RUNX1: variants seen among roughly 807,000 people sequenced by gnomAD.
The protein encoded by RUNX1 is RUNX family transcription factor 1, also known as runt-related transcription factor 1.
In RUNX1, 19 loss-of-function variants were observed where a neutral mutation model predicts 42.8. The observed-to-expected ratio is 0.44, with a 90% CI of 0.31 to 0.65. The LOEUF is 0.65. Among genes scored for constraint, RUNX1 ranks in the 30% least tolerant of loss-of-function variants. The pLI is 0.07. For missense variants in RUNX1, 528 were observed against 672.0 expected, an observed-to-expected ratio of 0.79 and a Z score of 2.37; for synonymous variants, 271 against 289.4, an observed-to-expected ratio of 0.94 and a Z score of 0.64.
At chr21:34,881,161 G>A (rs111857857) in intron 4 of RUNX1, among the ~76,000 whole-genome samples, 22 of 152,164 alleles carry the variant, frequency 1.4e-4, no homozygotes, top group Admixed American at 5.2e-4. Flanking sequence ...AATTTCTCCC[G>A]TTTGAGAAAC....
intron 2 of RUNX1, among the ~76,000 whole-genome samples, chr21:34,971,216 T>C (rs975019645): frequency 6.6e-6 from 1 of 152,198 alleles, no homozygotes; most frequent in African/African-American, 2.4e-5. Flanking sequence ...ATCAGTTCTT[T>C]TTTATCAAAG....
intron 2 of RUNX1, among the ~76,000 whole-genome samples, chr21:35,000,312 C>G (rs139182699): frequency 1.2e-4 from 17 of 146,908 alleles, no homozygotes; most frequent in African/African-American, 3.8e-4. Context: ...GCAATCTCGG[C>G]TCACTGCAAA....
At chr21:34,864,674 C>T (rs1324609964) in intron 5 of RUNX1, among the ~76,000 whole-genome samples, 1 of 152,180 alleles carries the variant, frequency 6.6e-6, no homozygotes, top group Non-Finnish European at 1.5e-5. Flanking sequence ...AAGGGGTAAA[C>T]AAGGGGTAAA....
intron 2 of RUNX1, among the ~76,000 whole-genome samples, chr21:34,917,452 A>G (rs1290309563): frequency 2.0e-5 from 3 of 152,240 alleles, no homozygotes; most frequent in African/African-American, 4.8e-5. Flanking sequence ...GGAATTCTGC[A>G]TTAGCATTCT....
intron 2 of RUNX1, among the ~76,000 whole-genome samples, chr21:34,943,535 T>A (rs565853259): frequency 2.0e-5 from 3 of 152,218 alleles, no homozygotes; most frequent in South Asian, 2.1e-4. Context: ...TCTTACTTCA[T>A]ACAAAAGACA....
At position 34,844,063 on chromosome 21, in the gene RUNX1, G is replaced by A. The variant is rs147016829; in HGVS notation, c.614-9462C>T. 9.0e-3 allele frequency among the ~76,000 whole-genome samples: 1,368 copies of A among 152,138 alleles called. 13 individuals carry two copies. The highest frequency in any genetic ancestry group is 0.014 in the Non-Finnish European group (920 of 67,976). On this transcript the variant is annotated intron_variant, in intron 6 of 8. Transcript: ENST00000675419. ...CCCAAATATTAGCAACCCTCCCTAG[G>A]TTAAGGTCTTATCTCAAGGAAACCC...
At chr21:34,947,255 G>T (rs143580553) in intron 2 of RUNX1, among the ~76,000 whole-genome samples, 1 of 152,298 alleles carries the variant, frequency 6.6e-6, no homozygotes, top group East Asian at 1.9e-4. Flanking sequence ...AATAAACATT[G>T]AAGGATGAAG....
At chr21:34,958,368 C>A (rs2058659986) in intron 2 of RUNX1, among the ~76,000 whole-genome samples, 1 of 152,154 alleles carries the variant, frequency 6.6e-6, no homozygotes, top group African/African-American at 2.4e-5. Context: ...AAACAAACAA[C>A]CCCATCAAAA....
chr21:34,961,056 A>G (rs2058678628), intron 2 of RUNX1, among the ~76,000 whole-genome samples: 1 of 152,250 alleles, frequency 6.6e-6, no homozygotes, highest in South Asian at 2.1e-4. Flanking sequence ...CAAGATTTTA[A>G]CAAAACCAAA....
chr21:34,889,055 G>C (rs1601533904), intron 3 of RUNX1, among the ~76,000 whole-genome samples: 2 of 151,240 alleles, frequency 1.3e-5, no homozygotes, highest in Admixed American at 1.3e-4. Flanking sequence ...AGGCCCCGCC[G>C]GCCCGAGGAG....
At chr21:35,023,533 G>A (rs986136934) in intron 2 of RUNX1, among the ~76,000 whole-genome samples, 1 of 152,202 alleles carries the variant, frequency 6.6e-6, no homozygotes, top group South Asian at 2.1e-4. Flanking sequence ...CTCCCTAGCC[G>A]GGAGGCCAGA....
At chr21:34,819,477 G>A (rs1019141401) in intron 7 of RUNX1, among the ~76,000 whole-genome samples, 20 of 152,216 alleles carry the variant, frequency 1.3e-4, no homozygotes, top group African/African-American at 4.8e-4. Flanking sequence ...GTGAAGGGAG[G>A]GGGCCCAGAA....
At chr21:34,821,656 C>T (rs1408257913) in intron 7 of RUNX1, 3 of 1,570,062 alleles carry the variant, frequency 1.9e-6, no homozygotes, top group Non-Finnish European at 2.6e-6. Flanking sequence ...GACAGAAGAA[C>T]TGACTTCTGC....
chr21:35,006,337 G>A (rs2146893946), intron 2 of RUNX1, among the ~76,000 whole-genome samples: 1 of 152,240 alleles, frequency 6.6e-6, no homozygotes, highest in East Asian at 1.9e-4. Flanking sequence ...TGAACTAAAT[G>A]TACTTTTCAG....
intron 2 of RUNX1, among the ~76,000 whole-genome samples, chr21:34,897,861 ATGGAAAAAAAGAGAT>A (rs2058142931): frequency 1.3e-5 from 2 of 152,322 alleles, no homozygotes; most frequent in Admixed American, 1.3e-4. Context: ...GTTATGTTAC[ATGGAAAAAAAGAGAT>A]TTTTTTTTGC....
chr21:34,949,360 C>T (rs8131102), intron 2 of RUNX1, among the ~76,000 whole-genome samples: 26,747 of 152,158 alleles, frequency 0.18, 4,932 homozygotes, highest in African/African-American at 0.47. Flanking sequence ...ATTGAATAGA[C>T]GCTCCCCAGC....
intron 2 of RUNX1, among the ~76,000 whole-genome samples, chr21:35,047,234 G>A (rs776755991): frequency 1.3e-5 from 2 of 151,854 alleles, no homozygotes; most frequent in Non-Finnish European, 2.9e-5. Context: ...TTTTTTTTCT[G>A]TTATTCTATA....
chr21:34,953,989 C>G (rs1261351581), intron 2 of RUNX1, among the ~76,000 whole-genome samples: 1 of 152,182 alleles, frequency 6.6e-6, no homozygotes, highest in Non-Finnish European at 1.5e-5. Flanking sequence ...AAAAAAATGG[C>G]TTTGATATTT....
intron 2 of RUNX1, among the ~76,000 whole-genome samples, chr21:35,029,770 C>A (rs2059260648): frequency 1.3e-5 from 2 of 152,298 alleles, no homozygotes; most frequent in South Asian, 2.1e-4. Context: ...TCACCTGGCA[C>A]CCTCCTCACC....
Sources: gnomAD v4.1 joint callset for allele counts (sites outside exome capture counted in the v4.1 genomes callset) on GRCh38, gnomAD v4.1.1 for gene constraint, MANE v1.5 for transcripts, NCBI Gene and HGNC (gene_info 2026-07-23, HGNC 2026-07-21) for gene names.